Variants in VPS50 observed in about 807,000 individuals in gnomAD.
VPS50 encodes the protein syndetin.
Under a neutral mutation model 139.7 loss-of-function variants are expected in VPS50, and 70 were observed. The observed-to-expected ratio is 0.50, with a 90% CI of 0.41 to 0.61. The LOEUF (loss-of-function observed/expected upper bound fraction) is 0.61, where lower values mean the gene tolerates loss of function less well. Ranked by LOEUF, VPS50 falls within the 20% of genes least tolerant of loss-of-function variation. VPS50 has a pLI of 0.00. For missense variants in VPS50, 921 were observed against 1,133.7 expected (o/e 0.81, Z 2.69); for synonymous variants, 365 against 376.7 (o/e 0.97, Z 0.36).
chr7:93,320,237 G>A (rs1797564472), intron 20 of VPS50: 1 of 151,912 alleles, frequency 6.6e-6, no homozygotes, highest in South Asian at 2.1e-4. Flanking sequence ...AGTCTTTATG[G>A]GGACTGATTC....
At chr7:93,324,080 C>CA (rs1797696553) in intron 21 of VPS50, among the ~76,000 whole-genome samples, 1 of 152,126 alleles carries the variant, frequency 6.6e-6, no homozygotes. Flanking sequence ...TGCTGGCTAA[C>CA]AACCTTAGCA....
intron 14 of VPS50, among the ~76,000 whole-genome samples, chr7:93,295,810 G>A (rs974179909): frequency 4.6e-5 from 7 of 151,732 alleles, no homozygotes; most frequent in African/African-American, 4.8e-5. Flanking sequence ...GTGCAGCCTC[G>A]ACCTCTTGGG....
chr7:93,264,663 G>A (rs1795786536), intron 9 of VPS50, among the ~76,000 whole-genome samples: 1 of 152,148 alleles, frequency 6.6e-6, no homozygotes, highest in Non-Finnish European at 1.5e-5. Context: ...ATTGTAGGTT[G>A]TAGAATGTCT....
In VPS50 at chr7:93,359,081, G is replaced by A. The variant is rs1798783329; in HGVS notation, c.*645G>A. ...GCATGCAGATGTCATGAACTATAGT[G>A]CAGCTTTTAGTGTGTTCTAATTTTA... On this transcript the variant is annotated 3_prime_UTR_variant, in exon 28 of 28. Coordinates refer to ENST00000305866, the MANE Select transcript of VPS50 (RefSeq NM_017667.4). The A allele has an allele frequency of 6.6e-6, 1 of 152,056 alleles. No homozygotes were observed. The allele number at this position is 152,056 out of a possible 1,614,324, so 9.4% of individuals were successfully genotyped here. A position where few individuals can be genotyped will look rare whatever the true frequency, so the allele number is the denominator to read the frequency against.
At chr7:93,257,947 T>G (rs1262872324) in intron 6 of VPS50, among the ~76,000 whole-genome samples, 1 of 152,072 alleles carries the variant, frequency 6.6e-6, no homozygotes, top group African/African-American at 2.4e-5. Context: ...TATAGACCAC[T>G]AGCAGGTTGT....
rs771183151 is a variant in VPS50 at position 93,358,445 on chromosome 7, GCT to G, written c.*14_*15del. On this transcript the variant is annotated 3_prime_UTR_variant, in exon 28 of 28. Coordinates refer to ENST00000305866, the MANE Select transcript of VPS50 (RefSeq NM_017667.4). Reference sequence around the variant, plus strand: ...ACAGACCTAAAAGATAATGAACACAGCTCTCTTTCCTCAATGGCATTGATCCT... The same window carrying G: ...ACAGACCTAAAAGATAATGAACACAGCTCTTTCCTCAATGGCATTGATCCT... The G allele has an allele frequency of 1.1e-5, 17 of 1,609,034 alleles. No homozygotes were observed. In the South Asian group the frequency reaches 1.9e-4, roughly 18 times the overall value.
At chr7:93,268,642 GCAAAGGA>G (rs1795914147) in intron 9 of VPS50, among the ~76,000 whole-genome samples, 1 of 152,058 alleles carries the variant, frequency 6.6e-6, no homozygotes, top group Non-Finnish European at 1.5e-5. Flanking sequence ...CCATGTCCCT[GCAAAGGA>G]CATGATCTCA....
At chr7:93,308,796 A>G in intron 18 of VPS50, 28 bp from the exon 19 acceptor site, 1 of 1,326,876 alleles carries the variant, frequency 7.5e-7, no homozygotes, top group South Asian at 1.2e-5. Context: ...CTTTATACTC[A>G]TTTTTTAATA....
At chr7:93,245,390 G>A (rs1050321599) in intron 2 of VPS50, among the ~76,000 whole-genome samples, 2 of 151,844 alleles carry the variant, frequency 1.3e-5, no homozygotes, top group African/African-American at 2.4e-5. Flanking sequence ...TGAAGGTGCT[G>A]TGATGTTGTC....
chr7:93,338,344 G>A (rs1291732865), intron 22 of VPS50, among the ~76,000 whole-genome samples: 2 of 152,168 alleles, frequency 1.3e-5, no homozygotes, highest in Non-Finnish European at 2.9e-5. Flanking sequence ...ACATCAGATT[G>A]TGTTGAAAGC....
At chr7:93,330,107 A>G (rs1348040056) in intron 21 of VPS50, among the ~76,000 whole-genome samples, 1 of 152,228 alleles carries the variant, frequency 6.6e-6, no homozygotes, top group African/African-American at 2.4e-5. Flanking sequence ...GATGTATTAC[A>G]TATAAAAACT....
chr7:93,238,252 A>G (rs1214206687), intron 1 of VPS50, among the ~76,000 whole-genome samples: 1 of 150,584 alleles, frequency 6.6e-6, no homozygotes, highest in Non-Finnish European at 1.5e-5. Flanking sequence ...GTAACATACT[A>G]TTTTTCTCCC....
At chr7:93,312,975 T>C (rs114230992) in intron 20 of VPS50, among the ~76,000 whole-genome samples, 85 of 152,324 alleles carry the variant, frequency 5.6e-4, no homozygotes, top group African/African-American at 1.7e-3. Context: ...CAAGCAACTG[T>C]TGGTGCATCA....
chr7:93,345,691 G>C (rs1004843489), intron 23 of VPS50, among the ~76,000 whole-genome samples: 7 of 152,290 alleles, frequency 4.6e-5, no homozygotes, highest in Non-Finnish European at 8.8e-5. Flanking sequence ...ATCAATAAAT[G>C]TAATCCAGCA....
At chr7:93,284,385 G>A (rs887546741) in intron 12 of VPS50, among the ~76,000 whole-genome samples, 3 of 152,034 alleles carry the variant, frequency 2.0e-5, no homozygotes, top group African/African-American at 7.2e-5. Flanking sequence ...TACTTTGCTT[G>A]TTTTCTAATA....
chr7:93,281,979 T>C (rs1038011245), intron 12 of VPS50, among the ~76,000 whole-genome samples: 5 of 151,718 alleles, frequency 3.3e-5, no homozygotes, highest in Non-Finnish European at 5.9e-5. Context: ...CTGAGGCGGG[T>C]GGATCACGAG....
At chr7:93,332,552 G>A (rs527388617) in intron 21 of VPS50, among the ~76,000 whole-genome samples, 15 of 152,268 alleles carry the variant, frequency 9.9e-5, no homozygotes, top group Non-Finnish European at 1.9e-4. Flanking sequence ...AGAAAACAAC[G>A]TGGAAGTACC....
intron 2 of VPS50, chr7:93,246,003 G>A: frequency 4.2e-6 from 3 of 706,972 alleles, no homozygotes; most frequent in Non-Finnish European, 7.3e-6. Flanking sequence ...AATGACTTTT[G>A]TAATACTGAC....
chr7:93,291,088 G>A (rs1796635339), intron 12 of VPS50, among the ~76,000 whole-genome samples: 1 of 152,046 alleles, frequency 6.6e-6, no homozygotes, highest in African/African-American at 2.4e-5. Flanking sequence ...GGGCAGAATG[G>A]CAAATTGGTT....
Sources: allele counts gnomAD v4.1 joint callset (sites outside exome capture counted in the v4.1 genomes callset), GRCh38; gene constraint gnomAD v4.1.1; transcripts MANE v1.5; gene names NCBI Gene and HGNC (gene_info 2026-07-23, HGNC 2026-07-21).